MAP3K15: variants seen among roughly 807,000 people sequenced by gnomAD.
MAP3K15 encodes MAPK/ERK kinase kinase 15.
In MAP3K15, 124 loss-of-function variants were observed where a neutral mutation model predicts 99.5. That is an observed-to-expected ratio of 1.25 (90% CI 1.08 to 1.45). The LOEUF (loss-of-function observed/expected upper bound fraction) is 1.45. Ranked by LOEUF, MAP3K15 falls within the 40% of genes most tolerant of loss-of-function variation. The pLI is 0.00. For synonymous variants in MAP3K15, 494 were observed against 439.6 expected (o/e 1.12, Z -1.55); for missense variants, 1,242 against 1,079.7 (o/e 1.15, Z -2.11).
rs903970329 is a variant in MAP3K15, at chrX:19,447,056, T to C, written c.995+9857A>G. 2.7e-5 allele frequency among the ~76,000 whole-genome samples: 3 copies of C among 110,673 alleles called. No individual in the cohort carries two copies. In the South Asian group the frequency reaches 1.2e-3, roughly 42 times the overall value. On this transcript the variant is annotated intron_variant, in intron 6 of 28. Transcript: ENST00000338883. ...TCAGTCTCCTGAGTAGCTGGGACTA[T>C]AGTTGTACACCACCACACCGGCTAA...
rs1376159692 is a variant in MAP3K15, at chrX:19,448,645, G to A, written c.995+8268C>T. Among the ~76,000 whole-genome samples the A allele has an allele frequency of 4.6e-5, 5 of 109,138 alleles. 1 individual carries two copies. Among genetic ancestry groups the A allele is most frequent in the Non-Finnish European group, 7.7e-5 (4 of 51,671 alleles). 94.8% of individuals were successfully genotyped at this position (109,138 alleles called of 115,157 possible). A position where few individuals can be genotyped will look rare whatever the true frequency, so the allele number is the denominator to read the frequency against. ...TCATTGATGAAAAAATTTGATGTCA[G>A]GTATGGAAAAATTTTATTTTAAAGT... On this transcript the variant is annotated intron_variant, in intron 6 of 28. Coordinates refer to ENST00000338883, the MANE Select transcript of MAP3K15 (RefSeq NM_001001671.4).
intron 3 of MAP3K15, among the ~76,000 whole-genome samples, chrX:19,475,337 G>T (rs1360365566): frequency 1.8e-5 from 2 of 111,122 alleles, no homozygotes; most frequent in African/African-American, 6.5e-5. Context: ...TGCGAGCAAT[G>T]GGGGAGCAGC....
At chrX:19,491,996 T>C in intron 1 of MAP3K15, among the ~76,000 whole-genome samples, 1 of 108,646 alleles carries the variant, frequency 9.2e-6, no homozygotes, top group Middle Eastern at 4.6e-3. Context: ...ACTTTTTTTT[T>C]TTTTTTTAAA....
At chrX:19,383,049 C>T (rs2063470347) in intron 18 of MAP3K15, among the ~76,000 whole-genome samples, 1 of 111,182 alleles carries the variant, frequency 9.0e-6, no homozygotes, top group Non-Finnish European at 1.9e-5. Flanking sequence ...GCCCCAGTCT[C>T]CCGCTGTGTG....
chrX:19,458,514 A>C (rs1040069529), intron 5 of MAP3K15, among the ~76,000 whole-genome samples: 1 of 111,002 alleles, frequency 9.0e-6, no homozygotes, highest in Non-Finnish European at 1.9e-5. Flanking sequence ...CCCCATCCCT[A>C]CTAAAAATTA....
chrX:19,455,813 T>C (rs1008188336), intron 6 of MAP3K15, among the ~76,000 whole-genome samples: 1 of 111,024 alleles, frequency 9.0e-6, no homozygotes, highest in South Asian at 3.8e-4. Context: ...TAGTTTTTAT[T>C]TAACAAACCA....
chrX:19,475,099 T>C (rs751598976), intron 3 of MAP3K15, among the ~76,000 whole-genome samples: 82 of 110,873 alleles, frequency 7.4e-4, no homozygotes, highest in Middle Eastern at 4.6e-3. Context: ...GAAATAATTA[T>C]ACAACTCACT....
intron 4 of MAP3K15, among the ~76,000 whole-genome samples, chrX:19,463,531 G>T (rs1387018452): frequency 8.9e-6 from 1 of 112,171 alleles, no homozygotes; most frequent in Non-Finnish European, 1.9e-5. Flanking sequence ...TGGTTAAGAA[G>T]AATAATTTTT....
intron 24 of MAP3K15, among the ~76,000 whole-genome samples, chrX:19,369,691 C>T (rs1267428226): frequency 9.0e-6 from 1 of 111,030 alleles, no homozygotes; most frequent in Non-Finnish European, 1.9e-5. Context: ...CTGAGGCGGG[C>T]AGATCACAAG....
rs1426565124 is a variant in MAP3K15, at chrX:19,515,066, C to G, written c.196G>C (p.Val66Leu). The change falls in exon 1 of 29, where the codon GTG becomes CTG. Residue 66 changes from valine to leucine, a missense_variant. Val to Leu is a conservative substitution (Grantham distance 32). Transcript: ENST00000338883. The part of the protein sequence containing the change: ...GPRRALRAVY[V>L]RSESSQGGAA... ...CCGCCCTGGGAGCTCTCACTGCGCACGTATACTGCCCGCAGAGCCCGCCGC... is the reference window on the plus strand; with the variant it reads ...CCGCCCTGGGAGCTCTCACTGCGCAGGTATACTGCCCGCAGAGCCCGCCGC... 1.1e-6 allele frequency: 1 copy of G among 948,559 alleles called. No individual in the cohort carries two copies. Among genetic ancestry groups the G allele is most frequent in the African/African-American group, 2.1e-5 (1 of 47,263 alleles). 78.2% of individuals were successfully genotyped at this position (948,559 alleles called of 1,213,427 possible). A position where few individuals can be genotyped will look rare whatever the true frequency, so the allele number is the denominator to read the frequency against.
chrX:19,451,435 A>AAT (rs569606143), intron 6 of MAP3K15, among the ~76,000 whole-genome samples: 1,253 of 97,191 alleles, frequency 0.013, 52 homozygotes, highest in South Asian at 0.019. Flanking sequence ...CAATAGCCAG[A>AAT]ATATATATAT....
chrX:19,362,743 G>A lies in MAP3K15; in HGVS notation c.3674C>T (p.Ser1225Leu), dbSNP rs952016428. The A allele has an allele frequency of 1.1e-5, 12 of 1,123,278 alleles. No individual in the cohort carries two copies. Among genetic ancestry groups the A allele is most frequent in the Non-Finnish European group, 1.5e-5 (12 of 822,394 alleles). 92.6% of individuals were successfully genotyped at this position (1,123,278 alleles called of 1,213,427 possible). A position where few individuals can be genotyped will look rare whatever the true frequency, so the allele number is the denominator to read the frequency against. ...CTCATTGGAAAATGACTTACAATTCGATTTTAATTTTAACTGAAGGTGATA... is the reference window on the plus strand; with the variant it reads ...CTCATTGGAAAATGACTTACAATTCAATTTTAATTTTAACTGAAGGTGATA... Reference protein sequence around the residue: ...ELYHLQLKLKSNCITENPAGP... With the variant: ...ELYHLQLKLKLNCITENPAGP... The change falls in exon 26 of 29, where the codon TCG (serine) becomes TTG (leucine). Residue 1225 changes from serine to leucine, a missense_variant. By Grantham distance (145) the Ser-to-Leu change is moderately radical. Coordinates refer to ENST00000338883, the MANE Select transcript of MAP3K15 (RefSeq NM_001001671.4).
intron 21 of MAP3K15, 185 bp from the exon 22 acceptor site, chrX:19,373,012 G>A (rs1311961297): frequency 9.1e-6 from 2 of 220,095 alleles, no homozygotes; most frequent in Non-Finnish European, 1.6e-5. Context: ...CAGCAGGAGG[G>A]AGAGCAGAAG....
At chrX:19,465,584 T>TA (rs1355164035) in intron 3 of MAP3K15, among the ~76,000 whole-genome samples, 131 of 82,772 alleles carry the variant, frequency 1.6e-3, no homozygotes, top group African/African-American at 4.0e-3. Flanking sequence ...CATCTCTACT[T>TA]AAAAAAAAAA....
At chrX:19,479,535 G>A (rs2064275011) in intron 3 of MAP3K15, among the ~76,000 whole-genome samples, 1 of 111,855 alleles carries the variant, frequency 8.9e-6, no homozygotes, top group Non-Finnish European at 1.9e-5. Flanking sequence ...CAGCCTCAGA[G>A]TCTGAGTCTA....
At chrX:19,407,416 T>C (rs1230131589) in intron 12 of MAP3K15, 133 bp from the exon 13 acceptor site, 2 of 377,949 alleles carry the variant, frequency 5.3e-6, no homozygotes, top group African/African-American at 5.3e-5. Flanking sequence ...CCCCCGAGTC[T>C]GCCTTTTATT....
intron 1 of MAP3K15, among the ~76,000 whole-genome samples, chrX:19,495,574 T>C (rs2064395949): frequency 9.0e-6 from 1 of 110,810 alleles, no homozygotes; most frequent in African/African-American, 3.3e-5. Context: ...ACTATGTAAG[T>C]GTGATTGAGA....
intron 5 of MAP3K15, among the ~76,000 whole-genome samples, chrX:19,458,529 A>T (rs2064110544): frequency 9.0e-6 from 1 of 111,442 alleles, no homozygotes; most frequent in South Asian, 3.8e-4. Flanking sequence ...AAATTAAAAA[A>T]GTTAGCCAGG....
intron 3 of MAP3K15, among the ~76,000 whole-genome samples, chrX:19,483,578 G>A (rs773696146): frequency 9.1e-6 from 1 of 110,458 alleles, no homozygotes; most frequent in South Asian, 4.0e-4. Context: ...GTGTGTGTGT[G>A]TGTGTGTGTT....
Sources: allele counts gnomAD v4.1 joint callset (sites outside exome capture counted in the v4.1 genomes callset), GRCh38; gene constraint gnomAD v4.1.1; transcripts MANE v1.5; gene names NCBI Gene and HGNC (gene_info 2026-07-23, HGNC 2026-07-21).